Variants in LARGE1 observed in about 807,000 individuals in gnomAD.
LARGE1 encodes xylosyl- and glucuronyltransferase LARGE1.
LARGE1 carries 43 observed loss-of-function variants against 87.6 expected under a neutral mutation model. That is an observed-to-expected ratio of 0.49 (90% CI 0.38 to 0.63). The LOEUF (loss-of-function observed/expected upper bound fraction) is 0.63, where lower values mean the gene tolerates loss of function less well. Ranked by LOEUF, LARGE1 falls within the 30% of genes least tolerant of loss-of-function variation. The pLI is 0.00. For missense variants in LARGE1, 802 were observed against 1,000.2 expected (o/e 0.80, Z 2.67); for synonymous variants, 434 against 394.6 (o/e 1.10, Z -1.18).
intron 1 of LARGE1, among the ~76,000 whole-genome samples, chr22:33,816,033 A>G (rs1339451053): frequency 6.6e-6 from 1 of 152,214 alleles, no homozygotes; most frequent in African/African-American, 2.4e-5. Context: ...CAATGTTGTC[A>G]TTAAATAAGC....
chr22:33,239,535 CTTTTTTTTT>C (rs71187254), intron 11 of LARGE1, among the ~76,000 whole-genome samples: 4 of 95,292 alleles, frequency 4.2e-5, no homozygotes, highest in Admixed American at 1.3e-4. Context: ...TTTTTCTTTT[CTTTTTTTTT>C]TTTTTTTTTT....
chr22:33,490,199 T>C (rs2069769928), intron 6 of LARGE1, among the ~76,000 whole-genome samples: 1 of 152,224 alleles, frequency 6.6e-6, no homozygotes, highest in African/African-American at 2.4e-5. Context: ...GGGTAAGTTA[T>C]TCCTACCAAG....
chr22:33,402,192 C>T (rs971125845), intron 7 of LARGE1, among the ~76,000 whole-genome samples: 2 of 152,174 alleles, frequency 1.3e-5, no homozygotes, highest in African/African-American at 4.8e-5. Context: ...GTCTTTCTAA[C>T]TCTGATGACA....
intron 2 of LARGE1, among the ~76,000 whole-genome samples, chr22:33,660,090 GT>G (rs35643369): frequency 0.023 from 2,864 of 125,334 alleles, 27 homozygotes; most frequent in East Asian, 0.046. Context: ...GTGTGTGTGT[GT>G]TTTTTTTTTT....
At chr22:33,139,009 T>C in the LARGE1 span, among the ~76,000 whole-genome samples, 7 of 152,092 alleles carry the variant, frequency 4.6e-5, no homozygotes, top group Non-Finnish European at 1.0e-4. Flanking sequence ...CAAGATCTGA[T>C]GGTTTCAAAA....
the LARGE1 span, among the ~76,000 whole-genome samples, chr22:33,096,989 A>G: frequency 6.6e-6 from 1 of 152,236 alleles, no homozygotes; most frequent in Non-Finnish European, 1.5e-5. Flanking sequence ...GAACCCCCAA[A>G]TAACTCCCCA....
intron 6 of LARGE1, among the ~76,000 whole-genome samples, chr22:33,560,357 C>T (rs904440238): frequency 1.7e-4 from 26 of 152,124 alleles, no homozygotes; most frequent in South Asian, 2.1e-4. Context: ...GGCACATCTG[C>T]GGTGCCGTGA....
At chr22:33,838,883 G>C (rs2063188074) in intron 1 of LARGE1, among the ~76,000 whole-genome samples, 1 of 151,892 alleles carries the variant, frequency 6.6e-6, no homozygotes, top group Non-Finnish European at 1.5e-5. Flanking sequence ...ATATCAGGGA[G>C]GAAAAAAATG....
rs80008548 is a variant in LARGE1 at position 33,673,675 on chromosome 22, T to C, written c.107-23007A>G. On this transcript the variant is annotated intron_variant, in intron 2 of 14. Transcript: ENST00000397394. ...TTGTAAAACACAAACTCCAGACCCA[T>C]GAAAAAACTCCCCATTCTTTTTTAT... Among the ~76,000 whole-genome samples the C allele has an allele frequency of 5.3e-3, 811 of 152,168 alleles. 11 individuals carry two copies. Among genetic ancestry groups the C allele is most frequent in the African/African-American group, 0.019 (770 of 41,534 alleles).
In LARGE1 at chr22:33,465,832, C is replaced by T. The variant is rs73409014; in HGVS notation, c.788-33567G>A. On this transcript the variant is annotated intron_variant, in intron 6 of 14. Coordinates refer to ENST00000397394, the MANE Select transcript of LARGE1 (RefSeq NM_133642.5). ...CAGGAATCTGCGTCTGCCCAAATTC[C>T]TCCTCTCTCTCACCAATGGCATCCC... Among the ~76,000 whole-genome samples, 962 of 152,248 alleles carry T rather than the reference C, an allele frequency of 6.3e-3. 4 individuals are homozygous for T. Among genetic ancestry groups the T allele is most frequent in the African/African-American group, 0.021 (888 of 41,540 alleles).
chr22:33,073,146 T>C, the LARGE1 span, among the ~76,000 whole-genome samples: 11 of 152,236 alleles, frequency 7.2e-5, no homozygotes, highest in African/African-American at 1.9e-4. Flanking sequence ...TGAAATGCCT[T>C]CTATTTCTGT....
intron 10 of LARGE1, among the ~76,000 whole-genome samples, chr22:33,320,488 T>G (rs1220027107): frequency 6.6e-6 from 1 of 152,206 alleles, no homozygotes; most frequent in African/African-American, 2.4e-5. Flanking sequence ...ACTTGTCAAC[T>G]TAAACTGAAA....
chr22:33,776,461 T>C (rs2085241049), intron 1 of LARGE1, among the ~76,000 whole-genome samples: 1 of 152,224 alleles, frequency 6.6e-6, no homozygotes, highest in Non-Finnish European at 1.5e-5. Context: ...CCTGAGGATA[T>C]ACATTCTTCC....
At position 33,192,192 on chromosome 22, in the gene LARGE1, G is replaced by C. The variant is rs55922122; in HGVS notation, c.1731-25360C>G. Reference sequence around the variant, plus strand: ...GTGGAAGAGTTTTACATATCATTAAGAGTATCATCAGTAAAAGGAATTATT... The same window carrying C: ...GTGGAAGAGTTTTACATATCATTAACAGTATCATCAGTAAAAGGAATTATT... On this transcript the variant is annotated intron_variant, in intron 11 of 11. Coordinates refer to the LARGE1 transcript ENST00000608642. 5.0e-3 allele frequency among the ~76,000 whole-genome samples: 760 copies of C among 152,288 alleles called. 7 individuals are homozygous for C. The highest frequency in any genetic ancestry group is 0.017 in the African/African-American group (726 of 41,550).
intron 6 of LARGE1, among the ~76,000 whole-genome samples, chr22:33,467,307 T>C (rs771892911): frequency 6.6e-6 from 1 of 152,196 alleles, no homozygotes; most frequent in Non-Finnish European, 1.5e-5. Context: ...TGGTGTTGGC[T>C]GATAAGGGAC....
intron 6 of LARGE1, among the ~76,000 whole-genome samples, chr22:33,448,141 G>A (rs1274089618): frequency 1.3e-5 from 2 of 152,166 alleles, no homozygotes; most frequent in Non-Finnish European, 2.9e-5. Flanking sequence ...GTGTTTTCCT[G>A]GGGTGATAAA....
chr22:33,357,489 C>T (rs1941004797), intron 9 of LARGE1, among the ~76,000 whole-genome samples: 2 of 152,162 alleles, frequency 1.3e-5, no homozygotes, highest in Non-Finnish European at 2.9e-5. Flanking sequence ...TGCACTTGTA[C>T]CACTTAAATT....
At chr22:33,485,878 C>T (rs944548499) in intron 6 of LARGE1, among the ~76,000 whole-genome samples, 1 of 152,166 alleles carries the variant, frequency 6.6e-6, no homozygotes, top group Non-Finnish European at 1.5e-5. Context: ...TTATGTATTT[C>T]CCCAGGGGAG....
chr22:33,721,790 T>G (rs751905682), intron 2 of LARGE1, among the ~76,000 whole-genome samples: 3 of 152,208 alleles, frequency 2.0e-5, no homozygotes, highest in Non-Finnish European at 4.4e-5. Flanking sequence ...GCATCCTGAT[T>G]GGTCTGAGTG....
Sources: allele counts gnomAD v4.1 joint callset (sites outside exome capture counted in the v4.1 genomes callset), GRCh38; gene constraint gnomAD v4.1.1; transcripts MANE v1.5; gene names NCBI Gene and HGNC (gene_info 2026-07-23, HGNC 2026-07-21).